The following CREBBP variants were observed in gnomAD, a reference collection of about 807,000 sequenced individuals.
The protein encoded by CREBBP is CREB binding lysine acetyltransferase.
Under a neutral mutation model 265.0 loss-of-function variants are expected in CREBBP, and 19 were observed. That is an observed-to-expected ratio of 0.07 (90% CI 0.05 to 0.11). The LOEUF (loss-of-function observed/expected upper bound fraction) is 0.11. Ranked by LOEUF, CREBBP falls within the 10% of genes least tolerant of loss-of-function variation. The pLI, the probability that CREBBP is intolerant of heterozygous loss-of-function variation, is 1.00. For synonymous variants in CREBBP, 1,457 were observed against 1,223.7 expected (o/e 1.19, Z -3.98); for missense variants, 2,525 against 3,219.0 (o/e 0.78, Z 5.22).
intron 1 of CREBBP, among the ~76,000 whole-genome samples, chr16:3,853,859 C>T (rs1442486889): frequency 6.6e-6 from 1 of 151,954 alleles, no homozygotes; most frequent in East Asian, 1.9e-4. Context: ...GTCGCTTGAA[C>T]CTGGGAGGTG....
chr16:3,876,592 A>G (rs2055408228), intron 1 of CREBBP, among the ~76,000 whole-genome samples: 1 of 152,128 alleles, frequency 6.6e-6, no homozygotes, highest in Non-Finnish European at 1.5e-5. Context: ...CCGGTAATAT[A>G]AAGTCCCCAC....
chr16:3,790,292 T>C (rs1000438699), intron 5 of CREBBP, among the ~76,000 whole-genome samples: 4 of 151,512 alleles, frequency 2.6e-5, no homozygotes, highest in Admixed American at 1.3e-4. Flanking sequence ...ATATAAGAAA[T>C]GTCCAGGGAA....
intron 16 of CREBBP, among the ~76,000 whole-genome samples, chr16:3,764,340 A>T (rs1358058873): frequency 6.6e-6 from 1 of 152,070 alleles, no homozygotes. Flanking sequence ...GCACTGGCAC[A>T]ATCATGGTTC....
Position 3,729,369 on chromosome 16 carries a change from G to T in CREBBP, c.5678C>A (p.Pro1893His). 1 of 1,607,894 alleles carries T rather than the reference G, an allele frequency of 6.2e-7. No homozygotes were observed. Among genetic ancestry groups the T allele is most frequent in the Non-Finnish European group, 8.5e-7 (1 of 1,179,310 alleles). Residue 1893 changes from proline (P) to histidine (H), a missense_variant, in exon 31 of 31, where the codon CCC (proline) becomes CAC (histidine). Transcript: ENST00000262367. ...PSPTSAPPGT[P>H]TQQPSTPQTP... is the part of the protein sequence containing the mutation. ...CTGGGGTGTGCTGGGCTGCTGTGTG[G>T]GGGTCCCGGGCGGTGCTGAGGTAGG...
intron 2 of CREBBP, among the ~76,000 whole-genome samples, chr16:3,819,395 G>A (rs946119210): frequency 1.4e-4 from 22 of 152,320 alleles, no homozygotes; most frequent in African/African-American, 5.1e-4. Context: ...GAGTACTAGG[G>A]GTGAGGAGGT....
At position 3,777,637 on chromosome 16, in the gene CREBBP, C is replaced by G. The variant is rs2053175281; in HGVS notation, c.2134G>C (p.Val712Leu). Residue 712 changes from valine (V) to leucine (L), a missense_variant, in exon 11 of 31, where the codon GTG (valine) becomes CTG (leucine). Val to Leu is a conservative substitution (Grantham distance 32). Around this residue, in one of 19 missense-constraint regions of CREBBP, gnomAD observed 548 missense variants for 533.0 expected, o/e 1.03. Coordinates refer to ENST00000262367, the MANE Select transcript of CREBBP (RefSeq NM_004380.3). ...CCTTGAGAAACTTGCATGCGATTCA[C>G]TGGCAGGGACAGGGGTCCATCTATG... ...RPPNGPLSLP[V>L]NRMQVSQGMN... The G allele has an allele frequency of 6.2e-7, 1 of 1,614,158 alleles. No homozygotes were observed. Among genetic ancestry groups the G allele is most frequent in the South Asian group, 1.1e-5 (1 of 91,090 alleles).
intron 1 of CREBBP, among the ~76,000 whole-genome samples, chr16:3,855,617 C>T (rs561809272): frequency 5.3e-5 from 8 of 152,252 alleles, no homozygotes; most frequent in African/African-American, 1.9e-4. Context: ...GAAGGTCCTT[C>T]AATTTGGGGT....
chr16:3,865,181 A>G (rs1194690135), intron 1 of CREBBP, among the ~76,000 whole-genome samples: 1 of 152,254 alleles, frequency 6.6e-6, no homozygotes, highest in African/African-American at 2.4e-5. Context: ...GCTATGATCA[A>G]AACTATAAAT....
In CREBBP at chr16:3,769,265, G is replaced by C. The variant is rs2052939281; in HGVS notation, c.2969C>G (p.Pro990Arg). Reference protein sequence around the residue: ...SAETNSQQPGPDVPVLEMKTE... With the variant: ...SAETNSQQPGRDVPVLEMKTE... ...CTTCATTTCCAGCACAGGTACGTCAGGTCCTGGCTGCTGGGAATTGGTTTC... is the reference window on the plus strand; with the variant it reads ...CTTCATTTCCAGCACAGGTACGTCACGTCCTGGCTGCTGGGAATTGGTTTC... Residue 990 changes from proline (P) to arginine (R), a missense_variant, in exon 15 of 31, where the codon CCT (proline) becomes CGT (arginine). Around this residue, in one of 19 missense-constraint regions of CREBBP, gnomAD observed 548 missense variants for 533.0 expected, o/e 1.03. Transcript: ENST00000262367. 1 of 1,614,200 alleles carries C rather than the reference G, an allele frequency of 6.2e-7. No homozygotes were observed. The highest frequency in any genetic ancestry group is 8.5e-7 in the Non-Finnish European group (1 of 1,180,036).
At chr16:3,839,009 A>G (rs1445501123) in intron 2 of CREBBP, among the ~76,000 whole-genome samples, 1 of 152,236 alleles carries the variant, frequency 6.6e-6, no homozygotes, top group African/African-American at 2.4e-5. Flanking sequence ...ACCTATGCAT[A>G]TACTAAGAAT....
intron 3 of CREBBP, among the ~76,000 whole-genome samples, chr16:3,798,897 C>G (rs551612504): frequency 6.6e-6 from 1 of 152,150 alleles, no homozygotes; most frequent in African/African-American, 2.4e-5. Context: ...TCACAACAGC[C>G]TTTTACAAAT....
intron 21 of CREBBP, 30 bp downstream of exon 21, chr16:3,749,597 A>G (rs767144004): frequency 6.5e-7 from 1 of 1,536,134 alleles, no homozygotes; most frequent in Non-Finnish European, 9.0e-7. Flanking sequence ...ACCAAAACTG[A>G]AAGTAAAAAA....
rs144961662 is a variant in CREBBP at position 3,740,429 on chromosome 16, G to A, written c.4103C>T (p.Thr1368Met). ...FVRVVASSDK[T>M]VEVKPGMKSR... Reference sequence around the variant, plus strand: ...CTTCATCCCGGGCTTGACCTCCACCGTCTTGTCTGAGCTGGCCACCACTCG... The same window carrying A: ...CTTCATCCCGGGCTTGACCTCCACCATCTTGTCTGAGCTGGCCACCACTCG... Residue 1368 changes from threonine to methionine, a missense_variant, in exon 24 of 31, where the codon ACG (threonine) becomes ATG (methionine). By Grantham distance (81) the Thr-to-Met change is moderately conservative. Coordinates refer to ENST00000262367, the MANE Select transcript of CREBBP (RefSeq NM_004380.3). 90 of 1,614,038 alleles carry A rather than the reference G, an allele frequency of 5.6e-5. No individual in the cohort carries two copies. The highest frequency in any genetic ancestry group is 6.7e-5 in the East Asian group (3 of 44,884).
At chr16:3,787,808 TG>T (rs2053421343) in intron 5 of CREBBP, among the ~76,000 whole-genome samples, 1 of 152,086 alleles carries the variant, frequency 6.6e-6, no homozygotes, top group Non-Finnish European at 1.5e-5. Context: ...ACCGAGTAGC[TG>T]GGACTACAGG....
At chr16:3,846,625 T>C (rs1254167383) in intron 2 of CREBBP, among the ~76,000 whole-genome samples, 1 of 152,198 alleles carries the variant, frequency 6.6e-6, no homozygotes, top group Non-Finnish European at 1.5e-5. Context: ...ATTGTACCTA[T>C]GAAGAATGAC....
At chr16:3,787,636 TTTTTGTTTTGTTTTGGTTTTTTGTTTTG>T (rs2053417185) in intron 5 of CREBBP, among the ~76,000 whole-genome samples, 1 of 149,528 alleles carries the variant, frequency 6.7e-6, no homozygotes. Context: ...GAGGTTTTTT[TTTTTGTTTTGTTTTGGTTTTTTGTTTTG>T]TTTTGTTTTG....
At chr16:3,873,324 C>T (rs766936687) in intron 1 of CREBBP, among the ~76,000 whole-genome samples, 1 of 152,200 alleles carries the variant, frequency 6.6e-6, no homozygotes, top group African/African-American at 2.4e-5. Context: ...GCTTTCATGG[C>T]CATCACGTTC....
chr16:3,806,891 T>C (rs2053841623), intron 3 of CREBBP, among the ~76,000 whole-genome samples: 1 of 152,142 alleles, frequency 6.6e-6, no homozygotes, highest in Admixed American at 6.5e-5. Context: ...CCCAATACCC[T>C]GGGGTCTCTG....
At chr16:3,820,223 A>G (rs545647043) in intron 2 of CREBBP, among the ~76,000 whole-genome samples, 1 of 152,390 alleles carries the variant, frequency 6.6e-6, no homozygotes, top group Non-Finnish European at 1.5e-5. Flanking sequence ...CAAGAAAAGC[A>G]GTTTTCATGG....
Sources: allele counts gnomAD v4.1 joint callset (sites outside exome capture counted in the v4.1 genomes callset), GRCh38; gene constraint gnomAD v4.1.1; regional missense constraint gnomAD v4.1.1; transcripts MANE v1.5; gene names NCBI Gene and HGNC (gene_info 2026-07-23, HGNC 2026-07-21).